The following DIAPH3 variants were observed in gnomAD, a reference collection of about 807,000 sequenced individuals.
DIAPH3 encodes the protein protein diaphanous homolog 3.
In DIAPH3, 117 loss-of-function variants were observed where a neutral mutation model predicts 144.3. The ratio of observed to expected loss-of-function variants is 0.81; its 90% CI spans 0.70 to 0.95. The LOEUF (loss-of-function observed/expected upper bound fraction) is 0.95, where lower values mean the gene tolerates loss of function less well. DIAPH3 is among the 40% of genes least tolerant of loss of function. The probability of loss-of-function intolerance (pLI) is 0.00; values close to 1 mark genes in which losing one functional copy is unlikely to be tolerated. For missense variants in DIAPH3, 1,421 were observed against 1,412.7 expected, an observed-to-expected ratio of 1.01 and a Z score of -0.09; for synonymous variants, 519 against 488.9, an observed-to-expected ratio of 1.06 and a Z score of -0.81.
chr13:59,800,015 G>T (rs1232991735), intron 25 of DIAPH3, among the ~76,000 whole-genome samples: 1 of 70,982 alleles, frequency 1.4e-5, no homozygotes, highest in Non-Finnish European at 3.1e-5. Context: ...ACTTCAAAAA[G>T]ACTTCTTTTT....
chr13:59,912,509 C>A (rs1438107377), intron 19 of DIAPH3, among the ~76,000 whole-genome samples: 2 of 152,116 alleles, frequency 1.3e-5, no homozygotes, highest in African/African-American at 2.4e-5. Context: ...AACAACAGAA[C>A]TACTTGAATA....
At chr13:60,152,487 GATATAT>G (rs144792127) in intron 1 of DIAPH3, among the ~76,000 whole-genome samples, 1 of 139,982 alleles carries the variant, frequency 7.1e-6, no homozygotes, top group Non-Finnish European at 1.6e-5. Context: ...TTTAGGGAAA[GATATAT>G]ATATATATAT....
chr13:59,996,451 G>A (rs551822740), intron 9 of DIAPH3, among the ~76,000 whole-genome samples: 35 of 152,162 alleles, frequency 2.3e-4, no homozygotes, highest in Non-Finnish European at 4.4e-4. Context: ...TCTTCTGTGA[G>A]AAAAGGTATT....
chr13:59,828,469 T>C (rs2041581590), intron 24 of DIAPH3, among the ~76,000 whole-genome samples: 1 of 151,836 alleles, frequency 6.6e-6, no homozygotes, highest in African/African-American at 2.4e-5. Flanking sequence ...TGGCTTTTCT[T>C]GCAAACTCTC....
intron 20 of DIAPH3, among the ~76,000 whole-genome samples, chr13:59,908,818 G>C (rs899896023): frequency 6.6e-6 from 1 of 152,076 alleles, no homozygotes; most frequent in Non-Finnish European, 1.5e-5. Flanking sequence ...TCAGTCTACG[G>C]AACCTAAAGA....
chr13:59,856,789 A>G (rs2043280255), intron 22 of DIAPH3, among the ~76,000 whole-genome samples: 1 of 152,202 alleles, frequency 6.6e-6, no homozygotes, highest in African/African-American at 2.4e-5. Context: ...TGACCAGTCA[A>G]TAAAAGCAAC....
At chr13:60,055,693 G>A (rs1052531394) in intron 4 of DIAPH3, among the ~76,000 whole-genome samples, 2 of 151,622 alleles carry the variant, frequency 1.3e-5, no homozygotes, top group Admixed American at 1.3e-4. Flanking sequence ...ACATGCCAAA[G>A]AATATCTACA....
intron 24 of DIAPH3, among the ~76,000 whole-genome samples, chr13:59,825,605 C>T (rs1464533382): frequency 5.3e-5 from 8 of 152,104 alleles, no homozygotes; most frequent in African/African-American, 9.7e-5. Flanking sequence ...CCTGAGGAAT[C>T]GCCACACTGA....
chr13:59,824,684 T>C (rs999139558), intron 24 of DIAPH3, among the ~76,000 whole-genome samples: 1 of 152,100 alleles, frequency 6.6e-6, no homozygotes, highest in Non-Finnish European at 1.5e-5. Context: ...AACTACAAAG[T>C]TTGGCACATA....
chr13:59,917,124 T>G (rs1223845255), intron 18 of DIAPH3, among the ~76,000 whole-genome samples: 16 of 152,174 alleles, frequency 1.1e-4, no homozygotes, highest in Admixed American at 9.2e-4. Context: ...TTCTATGTCA[T>G]CTGGTATGTG....
At chr13:59,895,512 C>T (rs775380529) in intron 20 of DIAPH3, among the ~76,000 whole-genome samples, 8 of 148,688 alleles carry the variant, frequency 5.4e-5, no homozygotes, top group African/African-American at 1.2e-4. Context: ...TGTTTAATGA[C>T]GCATATAATT....
chr13:59,729,808 A>ATTTTTTTTTTTTTTTT (rs202135165), intron 27 of DIAPH3, among the ~76,000 whole-genome samples: 1 of 115,184 alleles, frequency 8.7e-6, no homozygotes, highest in African/African-American at 3.5e-5. Context: ...GAATACATTA[A>ATTTTTTTTTTTTTTTT]TATTTTTTTT....
At chr13:59,758,093 A>G (rs1208128277) in intron 27 of DIAPH3, among the ~76,000 whole-genome samples, 1 of 152,218 alleles carries the variant, frequency 6.6e-6, no homozygotes, top group African/African-American at 2.4e-5. Context: ...TTGAATTACT[A>G]AAACTCTAAT....
chr13:59,872,131 G>C (rs572851330), intron 21 of DIAPH3, among the ~76,000 whole-genome samples: 1 of 151,980 alleles, frequency 6.6e-6, no homozygotes, highest in African/African-American at 2.4e-5. Flanking sequence ...GAGTCCATTT[G>C]CTCTTCTTTT....
At chr13:59,741,946 A>G (rs1181212467) in intron 27 of DIAPH3, among the ~76,000 whole-genome samples, 1 of 152,138 alleles carries the variant, frequency 6.6e-6, no homozygotes, top group Non-Finnish European at 1.5e-5. Context: ...ATAAAGACAT[A>G]CCCAAGACTG....
intron 17 of DIAPH3, among the ~76,000 whole-genome samples, chr13:59,954,092 C>T (rs893788159): frequency 1.3e-5 from 2 of 152,104 alleles, no homozygotes; most frequent in African/African-American, 4.8e-5. Flanking sequence ...TGCTCTCATG[C>T]CTTTCCCTCC....
At chr13:59,787,753 T>TC (rs975116155) in intron 25 of DIAPH3, among the ~76,000 whole-genome samples, 7 of 151,806 alleles carry the variant, frequency 4.6e-5, no homozygotes, top group Admixed American at 1.3e-4. Context: ...ATCTTTGTGT[T>TC]CCCCCCCAAC....
intron 17 of DIAPH3, among the ~76,000 whole-genome samples, chr13:59,935,274 C>A (rs970278210): frequency 1.3e-5 from 2 of 152,112 alleles, no homozygotes; most frequent in African/African-American, 4.8e-5. Context: ...TAATCCCCTG[C>A]AAATACAGAA....
At chr13:59,851,107 C>T (rs1168960289) in intron 22 of DIAPH3, among the ~76,000 whole-genome samples, 1 of 151,878 alleles carries the variant, frequency 6.6e-6, no homozygotes. Context: ...CCTTGATGAA[C>T]ATTGATGCAA....
Sources: allele counts gnomAD v4.1 joint callset (sites outside exome capture counted in the v4.1 genomes callset), GRCh38; gene constraint gnomAD v4.1.1; transcripts MANE v1.5; gene names NCBI Gene and HGNC (gene_info 2026-07-23, HGNC 2026-07-21).